The following U2SURP variants were observed in gnomAD, a reference collection of about 807,000 sequenced individuals.
U2SURP encodes the protein U2 snRNP associated SURP domain containing, also known as U2 snRNP-associated SURP motif-containing protein.
A neutral mutation model predicts 144.9 loss-of-function variants in U2SURP; 9 were observed. That is an observed-to-expected ratio of 0.06 (90% CI 0.04 to 0.11). U2SURP has a LOEUF of 0.11. Ranked by LOEUF, U2SURP falls within the 10% of genes least tolerant of loss-of-function variation. The pLI is 1.00. For missense variants in U2SURP, 724 were observed against 1,226.7 expected, an observed-to-expected ratio of 0.59 and a Z score of 6.12; for synonymous variants, 408 against 396.8, an observed-to-expected ratio of 1.03 and a Z score of -0.33.
intron 1 of U2SURP, among the ~76,000 whole-genome samples, chr3:143,007,123 G>C (rs1181070466): frequency 6.6e-6 from 1 of 152,172 alleles, no homozygotes; most frequent in Non-Finnish European, 1.5e-5. Context: ...GCAGCCATCA[G>C]AATGATCTTT....
At chr3:143,036,839 A>G (rs2108299046) in intron 20 of U2SURP, 5 of 222,006 alleles carry the variant, frequency 2.3e-5, no homozygotes, top group Admixed American at 5.3e-5. Flanking sequence ...ATAGTTACAG[A>G]TAAGTATATA....
rs142904602 is a variant in U2SURP at position 143,041,789 on chromosome 3, A to G, written c.2385-1328A>G. On this transcript the variant is annotated intron_variant, in intron 23 of 27. Transcript: ENST00000473835. Reference sequence around the variant, plus strand: ...GAATGTCCTTAGTACCCAAATACCAACATAGAAGGGCTTGCGAGATTCAAG... The same window carrying G: ...GAATGTCCTTAGTACCCAAATACCAGCATAGAAGGGCTTGCGAGATTCAAG... Among the ~76,000 whole-genome samples the G allele has an allele frequency of 3.9e-5, 6 of 152,184 alleles. No individual in the cohort carries two copies. In the East Asian group the frequency reaches 1.2e-3, roughly 29 times the overall value.
intron 4 of U2SURP, 150 bp from the exon 5 acceptor site, chr3:143,016,107 T>C (rs1936362014): frequency 3.7e-6 from 2 of 539,214 alleles, no homozygotes; most frequent in South Asian, 5.9e-5. Flanking sequence ...TAATACTTAA[T>C]ATCTTCTAAA....
intron 6 of U2SURP, among the ~76,000 whole-genome samples, chr3:143,017,905 C>T (rs993266625): frequency 1.1e-4 from 16 of 151,762 alleles, no homozygotes; most frequent in African/African-American, 3.6e-4. Context: ...ATTACAGACG[C>T]CTGGCTAAAA....
At chr3:143,036,998 T>C in intron 20 of U2SURP, 181 bp from the exon 21 acceptor site, 2 of 592,152 alleles carry the variant, frequency 3.4e-6, no homozygotes, top group Non-Finnish European at 2.8e-6. Flanking sequence ...TTGGTAAATA[T>C]TAGATAAATG....
At chr3:143,052,309 A>G (rs1032453237) in intron 25 of U2SURP, among the ~76,000 whole-genome samples, 1 of 152,056 alleles carries the variant, frequency 6.6e-6, no homozygotes, top group Non-Finnish European at 1.5e-5. Flanking sequence ...CAGGAGAATC[A>G]CTTGAACCTG....
chr3:143,013,188 A>T, intron 3 of U2SURP, among the ~76,000 whole-genome samples: 2 of 152,082 alleles, frequency 1.3e-5, no homozygotes, highest in East Asian at 3.8e-4. Context: ...GGTATAAATA[A>T]AATTTGAGCA....
At chr3:143,046,835 A>G (rs1934495049) in intron 24 of U2SURP, among the ~76,000 whole-genome samples, 1 of 126,014 alleles carries the variant, frequency 7.9e-6, no homozygotes, top group Non-Finnish European at 1.6e-5. Flanking sequence ...GCTGTTGGGT[A>G]CACCTCCCAG....
intron 26 of U2SURP, among the ~76,000 whole-genome samples, chr3:143,054,358 A>T (rs1000027194): frequency 6.6e-6 from 1 of 152,224 alleles, no homozygotes; most frequent in African/African-American, 2.4e-5. Context: ...AGACCAAGCC[A>T]TTGCAAATAA....
chr3:143,050,860 G>T, intron 24 of U2SURP, 79 bp from the exon 25 acceptor site: 2 of 932,102 alleles, frequency 2.1e-6, no homozygotes, highest in East Asian at 2.8e-5. Flanking sequence ...TTACTACTTT[G>T]CTATAGAAAA....
At chr3:143,023,261 GCTACCATTCCTTTTTTGA>G (rs1932936702) in intron 12 of U2SURP, 197 bp downstream of exon 12, 1 of 493,128 alleles carries the variant, frequency 2.0e-6, no homozygotes, top group Admixed American at 3.9e-5. Flanking sequence ...TTTATTTGTG[GCTACCATTCCTTTTTTGA>G]CCACTTGTTA....
intron 16 of U2SURP, among the ~76,000 whole-genome samples, chr3:143,031,423 G>GCCCTAACCTTCAGCTACCAACA (rs1933480948): frequency 7.2e-6 from 1 of 138,512 alleles, no homozygotes. Flanking sequence ...AGCTACCACC[G>GCCCTAACCTTCAGCTACCAACA]CCCTAACCTT....
chr3:143,012,361 TAGATA>T lies in U2SURP; in HGVS notation c.222+16_222+20del, dbSNP rs751391288. ...CATCAGAATCTCTCAAGAGTGAGTA[TAGATA>T]AGATAAGGTAAAGATAAGAAAGGAT... On this transcript the variant is annotated intron_variant, in intron 3 of 27. Coordinates refer to ENST00000473835, the MANE Select transcript of U2SURP (RefSeq NM_001080415.2). 9.4e-6 allele frequency: 15 copies of T among 1,600,698 alleles called. No individual in the cohort carries two copies. The highest frequency in any genetic ancestry group is 5.2e-5 in the Admixed American group (3 of 57,380).
chr3:143,038,866 A>G, intron 22 of U2SURP, 28 bp from the exon 23 acceptor site: 2 of 1,512,378 alleles, frequency 1.3e-6, no homozygotes, highest in Non-Finnish European at 1.8e-6. Context: ...ACCTCGTGGA[A>G]TTACATCCTC....
chr3:143,051,178 A>G (rs1410151169), intron 25 of U2SURP, 129 bp downstream of exon 25: 3 of 544,766 alleles, frequency 5.5e-6, no homozygotes, highest in South Asian at 5.3e-5. Context: ...TAGTAGGGCA[A>G]TCAGAAACAT....
At chr3:143,015,188 T>A (rs1040120801) in intron 4 of U2SURP, among the ~76,000 whole-genome samples, 1 of 152,114 alleles carries the variant, frequency 6.6e-6, no homozygotes, top group Non-Finnish European at 1.5e-5. Context: ...CAGTGTAGTT[T>A]TACATTTGGA....
chr3:143,022,698 G>T (rs559852323), intron 11 of U2SURP, 36 bp downstream of exon 11: 6 of 1,572,638 alleles, frequency 3.8e-6, no homozygotes, highest in Admixed American at 1.9e-5. Flanking sequence ...ATACAATTCA[G>T]ATATTTCTTT....
intron 12 of U2SURP, 85 bp from the exon 13 acceptor site, chr3:143,023,886 TTTTC>T: frequency 1.0e-5 from 13 of 1,241,142 alleles, no homozygotes; most frequent in Non-Finnish European, 1.5e-5. Context: ...ATATGTAGTA[TTTTC>T]AATGCATATG....
At chr3:143,019,539 A>T (rs1244950103) in intron 6 of U2SURP, among the ~76,000 whole-genome samples, 1 of 152,224 alleles carries the variant, frequency 6.6e-6, no homozygotes, top group African/African-American at 2.4e-5. Context: ...TGAAAAGATT[A>T]TTCTTCCCTA....
Sources: gnomAD v4.1 joint callset for allele counts (sites outside exome capture counted in the v4.1 genomes callset) on GRCh38, gnomAD v4.1.1 for gene constraint, MANE v1.5 for transcripts, NCBI Gene and HGNC (gene_info 2026-07-23, HGNC 2026-07-21) for gene names.